Variants in SPAG17 observed in about 807,000 individuals in gnomAD.
SPAG17 encodes the protein sperm associated antigen 17.
A neutral mutation model predicts 273.6 loss-of-function variants in SPAG17; 169 were observed. The ratio of observed to expected loss-of-function variants is 0.62; its 90% CI spans 0.55 to 0.70. SPAG17 has a LOEUF of 0.70. SPAG17 is among the 30% of genes least tolerant of loss of function. The pLI is 0.00. For missense variants in SPAG17, 2,557 were observed against 2,627.8 expected (o/e 0.97, Z 0.59); for synonymous variants, 825 against 873.2 (o/e 0.94, Z 0.97).
intron 1 of SPAG17, among the ~76,000 whole-genome samples, chr1:118,165,769 C>G (rs1660144872): frequency 6.6e-6 from 1 of 151,572 alleles, no homozygotes; most frequent in South Asian, 2.1e-4. Flanking sequence ...CTTCAGCCTC[C>G]CAAGTAGCTG....
At position 118,118,779 on chromosome 1, in the gene SPAG17, T is replaced by C. The variant is rs114360598; in HGVS notation, c.316-3338A>G. On this transcript the variant is annotated intron_variant, in intron 3 of 48. Coordinates refer to ENST00000336338, the MANE Select transcript of SPAG17 (RefSeq NM_206996.4). ...GGCAGAAGCCATGTTCATGTTGTATTGTGTGAAGATATTTAAGGGGTCTAG... is the reference window on the plus strand; with the variant it reads ...GGCAGAAGCCATGTTCATGTTGTATCGTGTGAAGATATTTAAGGGGTCTAG... Among the ~76,000 whole-genome samples the C allele has an allele frequency of 5.6e-3, 849 of 152,332 alleles. 9 individuals are homozygous for C. The highest frequency in any genetic ancestry group is 0.011 in the Admixed American group (173 of 15,304).
chr1:118,171,694 A>G (rs1660425774), intron 1 of SPAG17, among the ~76,000 whole-genome samples: 1 of 152,230 alleles, frequency 6.6e-6, no homozygotes, highest in African/African-American at 2.4e-5. Context: ...AAAATTTTCA[A>G]TAGACATTTA....
At chr1:118,184,813 T>A (rs1326737303) in intron 1 of SPAG17, among the ~76,000 whole-genome samples, 3 of 152,144 alleles carry the variant, frequency 2.0e-5, no homozygotes, top group Non-Finnish European at 4.4e-5. Context: ...TCTGGAGGTG[T>A]CAGAGCGACA....
chr1:118,124,190 A>G (rs1657575926), intron 3 of SPAG17, among the ~76,000 whole-genome samples: 1 of 152,222 alleles, frequency 6.6e-6, no homozygotes. Flanking sequence ...CGATTCTACT[A>G]TCATGGCAAT....
chr1:118,098,361 T>C (rs1655849191), intron 6 of SPAG17, among the ~76,000 whole-genome samples: 1 of 152,156 alleles, frequency 6.6e-6, no homozygotes, highest in Non-Finnish European at 1.5e-5. Flanking sequence ...ATTTGTACTT[T>C]TACTGTAAAA....
At chr1:118,176,300 A>T (rs761280655) in intron 1 of SPAG17, among the ~76,000 whole-genome samples, 60 of 152,252 alleles carry the variant, frequency 3.9e-4, no homozygotes, top group Non-Finnish European at 6.8e-4. Flanking sequence ...AAGAAAAAAG[A>T]CCCAACTCTA....
chr1:117,954,589 C>A, intron 48 of SPAG17: 1 of 1,612,432 alleles, frequency 6.2e-7, no homozygotes, highest in South Asian at 1.1e-5. Flanking sequence ...GGTTCCACTT[C>A]CCAGCAACCC....
intron 24 of SPAG17, among the ~76,000 whole-genome samples, chr1:118,035,995 C>T (rs1039152025): frequency 6.6e-6 from 1 of 152,100 alleles, no homozygotes; most frequent in Non-Finnish European, 1.5e-5. Context: ...GAGTTTAAGA[C>T]CAGCTTGGGA....
intron 43 of SPAG17, among the ~76,000 whole-genome samples, chr1:117,978,520 C>T (rs1462387599): frequency 2.0e-5 from 3 of 152,180 alleles, no homozygotes; most frequent in Admixed American, 2.0e-4. Flanking sequence ...TCAATAGGCT[C>T]TAGTATGCCT....
intron 1 of SPAG17, among the ~76,000 whole-genome samples, chr1:118,176,141 AC>A (rs886208717): frequency 6.6e-6 from 1 of 152,212 alleles, no homozygotes; most frequent in Non-Finnish European, 1.5e-5. Flanking sequence ...AAAATATACT[AC>A]CAGAGAAAAA....
intron 48 of SPAG17, among the ~76,000 whole-genome samples, chr1:117,958,385 G>T (rs113219286): frequency 1.3e-5 from 2 of 152,084 alleles, no homozygotes; most frequent in Non-Finnish European, 2.9e-5. Context: ...ATTGAATTAG[G>T]GTTGCTGGTT....
At chr1:118,027,305 T>C (rs993672933) in intron 26 of SPAG17, among the ~76,000 whole-genome samples, 1 of 152,184 alleles carries the variant, frequency 6.6e-6, no homozygotes, top group Admixed American at 6.5e-5. Context: ...GAAATTTAAC[T>C]TCAACATTTA....
Position 118,179,744 on chromosome 1 carries a change from GA to G in SPAG17, c.87+5326del, listed in dbSNP as rs1281547012. Among the ~76,000 whole-genome samples the G allele has an allele frequency of 2.0e-5, 3 of 151,790 alleles. No homozygotes were observed. The East Asian group carries it at 5.8e-4, about 29-fold the overall frequency. On this transcript the variant is annotated intron_variant, in intron 1 of 48. Transcript: ENST00000336338. The stretch of plus-strand genomic sequence containing the variant: ...TTAAGGAGCTCAAACAACTAAATAG[GA>G]AAAAACCCCAAATAATCTGATTTAA...
intron 1 of SPAG17, among the ~76,000 whole-genome samples, chr1:118,184,080 G>GA (rs76095077): frequency 0.07 from 10,387 of 147,646 alleles, 515 homozygotes; most frequent in East Asian, 0.27. Flanking sequence ...CTGTTAATAG[G>GA]AAAAAAAAAC....
intron 3 of SPAG17, among the ~76,000 whole-genome samples, chr1:118,146,944 G>A (rs1343677258): frequency 6.6e-6 from 1 of 152,094 alleles, no homozygotes; most frequent in Admixed American, 6.5e-5. Flanking sequence ...CCACAAAAAT[G>A]TCTCTGGGTC....
chr1:118,083,967 G>A (rs1570661068), intron 13 of SPAG17, among the ~76,000 whole-genome samples: 1 of 152,070 alleles, frequency 6.6e-6, no homozygotes, highest in Non-Finnish European at 1.5e-5. Context: ...GAGGGGAGGA[G>A]CACCAAGGGT....
At position 118,099,690 on chromosome 1, in the gene SPAG17, T is replaced by C. The variant is rs1655936691; in HGVS notation, c.745A>G (p.Lys249Glu). ...GGTTCATAATTCTCTGAAGATATTT[T>C]AATCACGCTGGTTATAGGAATGCCA... ...ELGIPITSVI[K>E]ISSENYEPLQ... Residue 249 changes from lysine to glutamate, a missense_variant, in exon 6 of 49, where the codon AAA becomes GAA. Lys to Glu is a moderately conservative substitution (Grantham distance 56). Transcript: ENST00000336338. 1 of 1,614,064 alleles carries C rather than the reference T, an allele frequency of 6.2e-7. No individual in the cohort carries two copies. Among genetic ancestry groups the C allele is most frequent in the Non-Finnish European group, 8.5e-7 (1 of 1,179,956 alleles).
intron 43 of SPAG17, among the ~76,000 whole-genome samples, chr1:117,980,864 G>A (rs1655721282): frequency 6.6e-6 from 1 of 151,990 alleles, no homozygotes; most frequent in Non-Finnish European, 1.5e-5. Flanking sequence ...TTTTCTTCTA[G>A]CACCTGCAGG....
At chr1:117,972,613 A>G (rs1654688494) in intron 44 of SPAG17, among the ~76,000 whole-genome samples, 1 of 152,188 alleles carries the variant, frequency 6.6e-6, no homozygotes, top group Non-Finnish European at 1.5e-5. Flanking sequence ...CTCATGCCCT[A>G]CACCAGATCT....
Sources: gnomAD v4.1 joint callset for allele counts (sites outside exome capture counted in the v4.1 genomes callset) on GRCh38, gnomAD v4.1.1 for gene constraint, MANE v1.5 for transcripts, NCBI Gene and HGNC (gene_info 2026-07-23, HGNC 2026-07-21) for gene names.